Variants in SPEG observed in about 807,000 individuals in gnomAD.
The protein encoded by SPEG is striated muscle enriched protein kinase.
A neutral mutation model predicts 300.4 loss-of-function variants in SPEG; 114 were observed. The observed-to-expected ratio is 0.38, with a 90% CI of 0.33 to 0.44. The LOEUF (loss-of-function observed/expected upper bound fraction) is 0.44. SPEG is among the 20% of genes least tolerant of loss of function. The pLI is 1.00. For synonymous variants in SPEG, 1,964 were observed against 2,018.9 expected (o/e 0.97, Z 0.73); for missense variants, 4,201 against 4,586.2 (o/e 0.92, Z 2.43).
chr2:219,444,090 G>T lies in SPEG; in HGVS notation c.389-563G>T, dbSNP rs778883071. 2.2e-6 allele frequency: 3 copies of T among 1,352,302 alleles called. No individual in the cohort carries two copies. The highest frequency in any genetic ancestry group is 2.3e-5 in the South Asian group (2 of 85,904). The allele number at this position is 1,352,302 out of a possible 1,614,324, so 83.8% of individuals were successfully genotyped here. ...AAACTGGCTCCTGCTCTAGCCCCCCGCATCCCCCCCTTTCCCACCCGGCCC... is the reference window on the plus strand; with the variant it reads ...AAACTGGCTCCTGCTCTAGCCCCCCTCATCCCCCCCTTTCCCACCCGGCCC... On this transcript the variant is annotated intron_variant, in intron 1 of 40. Coordinates refer to ENST00000312358, the MANE Select transcript of SPEG (RefSeq NM_005876.5). This position sits in a 1 kb window ranked among gnomAD's most constrained non-coding sequence, Gnocchi z 7.8.
chr2:219,479,300 C>T lies in SPEG; in HGVS notation c.5085+99C>T. The T allele has an allele frequency of 9.8e-7, 1 of 1,022,136 alleles. No individual in the cohort carries two copies. The highest frequency in any genetic ancestry group is 1.5e-6 in the Non-Finnish European group (1 of 669,620). 63.3% of individuals were successfully genotyped at this position (1,022,136 alleles called of 1,614,324 possible). ...GGGTCCTGAGTGTGCCATCTGTGCC[C>T]ACAGGAAGCCAGGGGTGGAGGTGGA... On this transcript the variant is annotated intron_variant, in intron 23 of 40. Transcript: ENST00000312358. This position sits in a 1 kb window ranked among gnomAD's most constrained non-coding sequence, Gnocchi z 5.5.
chr2:219,435,238 C>G lies in SPEG; in HGVS notation c.261C>G (p.Ala87=), dbSNP rs1194239549. The stretch of plus-strand genomic sequence containing the variant: ...ATGGGCAGCTCCTGCCCGCGCCGGC[C>G]CCCGAGCCCAGCTGCCTGTGGCTGC... ...FRDGQLLPAP[A]PEPSCLWLRR... is the part of the protein sequence containing the mutation. Residue 87 remains alanine, a synonymous_variant, in exon 1 of 41, where the codon GCC becomes GCG. Transcript: ENST00000312358. 1 of 1,477,746 alleles carries G rather than the reference C, an allele frequency of 6.8e-7. No homozygotes were observed. Among genetic ancestry groups the G allele is most frequent in the Non-Finnish European group, 8.9e-7 (1 of 1,124,498 alleles). 91.5% of individuals were successfully genotyped at this position (1,477,746 alleles called of 1,614,324 possible). A position where few individuals can be genotyped will look rare whatever the true frequency, so the allele number is the denominator to read the frequency against.
intron 6 of SPEG, among the ~76,000 whole-genome samples, chr2:219,453,539 C>T (rs920439400): frequency 6.6e-6 from 1 of 152,232 alleles, no homozygotes; most frequent in African/African-American, 2.4e-5. Context: ...AGGGACTCCA[C>T]CTCTCCCCTT....
intron 31 of SPEG, among the ~76,000 whole-genome samples, 177 bp from the exon 32 acceptor site, chr2:219,488,017 C>A (rs1693600841): frequency 6.6e-6 from 1 of 152,146 alleles, no homozygotes; most frequent in Admixed American, 6.5e-5. Flanking sequence ...GTGATGCTTG[C>A]CCCAAAGAAA....
Position 219,445,465 on chromosome 2 carries a change from T to C in SPEG, c.815+304T>C. 2.2e-6 allele frequency: 1 copy of C among 455,148 alleles called. No homozygotes were observed. Among genetic ancestry groups the C allele is most frequent in the South Asian group, 2.6e-5 (1 of 37,772 alleles). 28.2% of individuals were successfully genotyped at this position (455,148 alleles called of 1,614,324 possible). Reference sequence around the variant, plus strand: ...AGTTTCTCAGGGGCCCTCTTTTGCCTCACCCATTTGGGCTCCAGTTGTCCC... The same window carrying C: ...AGTTTCTCAGGGGCCCTCTTTTGCCCCACCCATTTGGGCTCCAGTTGTCCC... On this transcript the variant is annotated intron_variant, in intron 3 of 40. Coordinates refer to ENST00000312358, the MANE Select transcript of SPEG (RefSeq NM_005876.5). This position sits in a 1 kb window ranked among gnomAD's most constrained non-coding sequence, Gnocchi z 6.1.
Position 219,481,480 on chromosome 2 carries a change from C to T in SPEG, c.5522+24C>T. ...CTGTGAGTACAAGGCCCTGGGAGCC[C>T]CCACCTGCAGGGTCACCCTCATACC... On this transcript the variant is annotated intron_variant, in intron 27 of 40. Coordinates refer to ENST00000312358, the MANE Select transcript of SPEG (RefSeq NM_005876.5). The surrounding 1 kb of genome is among the most constrained non-coding windows in gnomAD (Gnocchi z 5.4). 3.7e-6 allele frequency: 6 copies of T among 1,612,778 alleles called. No individual in the cohort carries two copies. The highest frequency in any genetic ancestry group is 5.1e-6 in the Non-Finnish European group (6 of 1,179,094).
At chr2:219,478,277 T>C (rs1242390446) in intron 22 of SPEG, among the ~76,000 whole-genome samples, 172 bp downstream of exon 22, 1 of 152,240 alleles carries the variant, frequency 6.6e-6, no homozygotes, top group Non-Finnish European at 1.5e-5. Flanking sequence ...ATTGTTAGCT[T>C]AAATTTTCAT....
In SPEG at chr2:219,488,861, C is replaced by T. The variant is rs370009561; in HGVS notation, c.8110C>T (p.Arg2704Trp). 7.7e-5 allele frequency: 123 copies of T among 1,587,724 alleles called. 2 individuals carry two copies. Among genetic ancestry groups the T allele is most frequent in the African/African-American group, 3.8e-4 (28 of 74,594 alleles). ...GGTGCTGTGGAAGCCGGGAGACAGCCGGGCACCTTGCACGTATACGCTGGA... is the reference window on the plus strand; with the variant it reads ...GGTGCTGTGGAAGCCGGGAGACAGCTGGGCACCTTGCACGTATACGCTGGA... The part of the protein sequence containing the change: ...ALVLWKPGDS[R>W]APCTYTLERR... The change falls in exon 34 of 41, where the codon CGG (arginine) becomes TGG (tryptophan). Residue 2704 changes from arginine to tryptophan, a missense_variant. Physicochemically the swap from Arg to Trp is moderately radical, Grantham distance 101. Coordinates refer to ENST00000312358, the MANE Select transcript of SPEG (RefSeq NM_005876.5).
Position 219,443,909 on chromosome 2 carries a change from ACCTCTGGGGACTGGGTGCCTCACG to A in SPEG, c.389-741_389-718del. 1.4e-6 allele frequency: 1 copy of A among 735,522 alleles called. No homozygotes were observed. Among genetic ancestry groups the A allele is most frequent in the Non-Finnish European group, 2.1e-6 (1 of 470,376 alleles). 45.6% of individuals were successfully genotyped at this position (735,522 alleles called of 1,614,324 possible). On this transcript the variant is annotated intron_variant, in intron 1 of 40. Coordinates refer to ENST00000312358, the MANE Select transcript of SPEG (RefSeq NM_005876.5). The surrounding 1 kb of genome is among the most constrained non-coding windows in gnomAD (Gnocchi z 4.6). ...CCCTCCCCACCCATTGCCACAGGAC[ACCTCTGGGGACTGGGTGCCTCACG>A]CCCCTTCTGTCTTGACTGCCCTCCA...
chr2:219,481,180 C>T lies in SPEG; in HGVS notation c.5370-124C>T. 9.4e-7 allele frequency: 1 copy of T among 1,065,120 alleles called. No individual in the cohort carries two copies. Among genetic ancestry groups the T allele is most frequent in the Non-Finnish European group, 1.4e-6 (1 of 719,146 alleles). 66.0% of individuals were successfully genotyped at this position (1,065,120 alleles called of 1,614,324 possible). On this transcript the variant is annotated intron_variant, in intron 26 of 40. Transcript: ENST00000312358. The surrounding 1 kb of genome is among the most constrained non-coding windows in gnomAD (Gnocchi z 5.4). ...AGTCCGCAGCCTCACCTCTTACCCACATTTGCCCAGCCTCTGTCATCCTCA... is the reference window on the plus strand; with the variant it reads ...AGTCCGCAGCCTCACCTCTTACCCATATTTGCCCAGCCTCTGTCATCCTCA...
chr2:219,451,678 CG>C lies in SPEG; in HGVS notation c.2314del (p.Ala772LeufsTer38). Reference protein sequence around the residue: ...ALRSEGRLLLRAEGERHTLLL... With the variant: ...ALRSEGRLLLXAEGERHTLLL... ...GCGCAGCGAGGGCCGCCTCCTCCTC[CG>C]GGCTGAGGGTGAGCGGCACACCCTG... is the stretch of plus-strand genomic sequence containing the variant. On this transcript the variant is annotated frameshift_variant, in exon 6 of 41. Coordinates refer to ENST00000312358, the MANE Select transcript of SPEG (RefSeq NM_005876.5). LOFTEE classifies it high-confidence loss of function. The surrounding 1 kb of genome is among the most constrained non-coding windows in gnomAD (Gnocchi z 6.4). 6.3e-7 allele frequency: 1 copy of C among 1,586,224 alleles called. No individual in the cohort carries two copies. The highest frequency in any genetic ancestry group is 8.6e-7 in the Non-Finnish European group (1 of 1,168,054).
At position 219,478,079 on chromosome 2, in the gene SPEG, C is replaced by G. The variant is rs1436684092; in HGVS notation, c.5001C>G (p.Arg1667=). The G allele has an allele frequency of 6.2e-7, 1 of 1,613,978 alleles. No homozygotes were observed. The highest frequency in any genetic ancestry group is 1.3e-5 in the African/African-American group (1 of 74,922). The change falls in exon 22 of 41, where the codon CGC becomes CGG. Residue 1667 remains arginine, a synonymous_variant. Transcript: ENST00000312358. Reference sequence around the variant, plus strand: ...ACTTCCATGAGGCCTTCGAGAGGCGCCGGGGACTGGTCATTGTCACCGAGC... The same window carrying G: ...ACTTCCATGAGGCCTTCGAGAGGCGGCGGGGACTGGTCATTGTCACCGAGC... ...VLYFHEAFER[R]RGLVIVTELC...
chr2:219,493,309 G>C lies in SPEG; in HGVS notation c.*523G>C. On this transcript the variant is annotated 3_prime_UTR_variant, in exon 41 of 41. Transcript: ENST00000312358. Reference sequence around the variant, plus strand: ...AGCGAGGCGGCAGAGGGAGAAGAGAGGACTCAGGTGGAGGTGGGGTGGGTC... The same window carrying C: ...AGCGAGGCGGCAGAGGGAGAAGAGACGACTCAGGTGGAGGTGGGGTGGGTC... 5.6e-6 allele frequency: 2 copies of C among 356,302 alleles called. No individual in the cohort carries two copies. The highest frequency in any genetic ancestry group is 1.5e-4 in the East Asian group (2 of 13,454). The allele number at this position is 356,302 out of a possible 1,614,324, so 22.1% of individuals were successfully genotyped here. A position where few individuals can be genotyped will look rare whatever the true frequency, so the allele number is the denominator to read the frequency against.
rs764125788 is a variant in SPEG, at chr2:219,483,939, G to A, written c.6476G>A (p.Arg2159His). 3 of 1,605,454 alleles carry A rather than the reference G, an allele frequency of 1.9e-6. No individual in the cohort carries two copies. The highest frequency in any genetic ancestry group is 1.6e-4 in the Middle Eastern group (1 of 6,062). Residue 2159 changes from arginine (R) to histidine (H), a missense_variant, in exon 30 of 41, where the codon CGT becomes CAT. This residue lies in a region of SPEG where 1,578 missense variants were observed against 1,506.0 expected (regional missense o/e 1.05). Coordinates refer to ENST00000312358, the MANE Select transcript of SPEG (RefSeq NM_005876.5). ...LEIPVARLGA[R>H]RLQESPSLSA... Reference sequence around the variant, plus strand: ...ATCCCCGTGGCCAGGCTTGGGGCCCGTAGGCTACAGGAGTCTCCTTCCCTG... The same window carrying A: ...ATCCCCGTGGCCAGGCTTGGGGCCCATAGGCTACAGGAGTCTCCTTCCCTG...
At position 219,443,676 on chromosome 2, in the gene SPEG, T is replaced by A; in HGVS notation, c.389-977T>A. The A allele has an allele frequency of 3.1e-6, 1 of 320,014 alleles. No homozygotes were observed. Among genetic ancestry groups the A allele is most frequent in the Non-Finnish European group, 6.2e-6 (1 of 161,626 alleles). 19.8% of individuals were successfully genotyped at this position (320,014 alleles called of 1,614,324 possible). A position where few individuals can be genotyped will look rare whatever the true frequency, so the allele number is the denominator to read the frequency against. ...GAGGGGTCAAAGCACAATGCAAATA[T>A]TGTAATAGAGGGTGGGCCTGACTCC... is the stretch of plus-strand genomic sequence containing the variant. On this transcript the variant is annotated intron_variant, in intron 1 of 40. Coordinates refer to ENST00000312358, the MANE Select transcript of SPEG (RefSeq NM_005876.5). The surrounding 1 kb of genome is among the most constrained non-coding windows in gnomAD (Gnocchi z 4.6).
At position 219,489,674 on chromosome 2, in the gene SPEG, T is replaced by C. The variant is rs1484658427; in HGVS notation, c.8656T>C (p.Ser2886Pro). Residue 2886 changes from serine (S) to proline (P), a missense_variant, in exon 36 of 41, where the codon TCC becomes CCC. Around this residue, in one of 4 missense-constraint regions of SPEG, gnomAD observed 1,578 missense variants for 1,506.0 expected, o/e 1.05. Transcript: ENST00000312358. ...VLDTGTPIPA[S>P]TPQGVKPVSS... Reference sequence around the variant, plus strand: ...TGACACTGGGACCCCGATCCCAGCCTCCACTCCTCAAGGGGTTAAACCAGT... The same window carrying C: ...TGACACTGGGACCCCGATCCCAGCCCCCACTCCTCAAGGGGTTAAACCAGT... 1 of 1,613,942 alleles carries C rather than the reference T, an allele frequency of 6.2e-7. No homozygotes were observed. Among genetic ancestry groups the C allele is most frequent in the African/African-American group, 1.3e-5 (1 of 74,874 alleles).
intron 13 of SPEG, among the ~76,000 whole-genome samples, chr2:219,469,704 C>A (rs558188162): frequency 1.3e-5 from 2 of 152,150 alleles, no homozygotes; most frequent in Admixed American, 1.3e-4. Flanking sequence ...TGGGTTGTTA[C>A]GAGACTAAAT....
At chr2:219,461,493 C>T in intron 6 of SPEG, 1 of 1,081,376 alleles carries the variant, frequency 9.2e-7, no homozygotes, top group Non-Finnish European at 1.1e-6. Flanking sequence ...CATAGACCTG[C>T]TTCCCCTGCT....
intron 9 of SPEG, chr2:219,465,860 T>TGTGTGTGC (rs1353529556): frequency 3.1e-5 from 19 of 612,164 alleles, no homozygotes; most frequent in Non-Finnish European, 5.3e-5. Context: ...TGTGTGTGCA[T>TGTGTGTGC]GTGTGTGCGT....
Sources: allele counts gnomAD v4.1 joint callset (sites outside exome capture counted in the v4.1 genomes callset), GRCh38; gene constraint gnomAD v4.1.1; regional missense constraint gnomAD v4.1.1; non-coding constraint Gnocchi (gnomAD v3.1); transcripts MANE v1.5; gene names NCBI Gene and HGNC (gene_info 2026-07-23, HGNC 2026-07-21).